Variants in EPHA5 observed in about 807,000 individuals in gnomAD.
The protein encoded by EPHA5 is EPH receptor A5.
In EPHA5, 60 loss-of-function variants were observed where a neutral mutation model predicts 105.0. The ratio of observed to expected loss-of-function variants is 0.57; its 90% confidence interval spans 0.46 to 0.71. The LOEUF (loss-of-function observed/expected upper bound fraction) is 0.71. Ranked by LOEUF, EPHA5 falls within the 30% of genes least tolerant of loss-of-function variation. EPHA5 has a pLI of 0.00. For synonymous variants in EPHA5, 513 were observed against 449.1 expected (o/e 1.14, Z -1.80); for missense variants, 1,218 against 1,274.7 (o/e 0.96, Z 0.68).
At chr4:65,386,635 TAACA>T (rs895255891) in intron 8 of EPHA5, among the ~76,000 whole-genome samples, 3 of 151,956 alleles carry the variant, frequency 2.0e-5, no homozygotes, top group Non-Finnish European at 2.9e-5. Context: ...TTAGCATACC[TAACA>T]GACACTAAAT....
intron 5 of EPHA5, among the ~76,000 whole-genome samples, chr4:65,488,513 G>A (rs1487911383): frequency 2.0e-5 from 3 of 152,162 alleles, no homozygotes; most frequent in South Asian, 4.1e-4. Context: ...CACTCCTGAT[G>A]TCTAGATACA....
rs199680148 is a variant in EPHA5, at chr4:65,461,995, ATATG to A, written c.1402+28378_1402+28381del. ...ATGCCGTCTACTGGAGAAATCAAGC[ATATG>A]CACACATTAGATTATAAAGAGATAG... On this transcript the variant is annotated intron_variant, in intron 5 of 16. Coordinates refer to ENST00000613740, the MANE Select transcript of EPHA5 (RefSeq NM_001281766.3). Among the ~76,000 whole-genome samples the A allele has an allele frequency of 5.9e-3, 899 of 152,244 alleles. 5 individuals are homozygous for A. Among genetic ancestry groups the A allele is most frequent in the African/African-American group, 0.021 (867 of 41,568 alleles).
At chr4:65,666,969 T>G (rs1750019094) in intron 1 of EPHA5, among the ~76,000 whole-genome samples, 2 of 152,110 alleles carry the variant, frequency 1.3e-5, no homozygotes, top group African/African-American at 4.8e-5. Flanking sequence ...ATGGGAGCAT[T>G]CATAATACGC....
At chr4:65,544,633 T>G (rs1023997290) in intron 3 of EPHA5, among the ~76,000 whole-genome samples, 2 of 152,036 alleles carry the variant, frequency 1.3e-5, no homozygotes, top group African/African-American at 4.8e-5. Context: ...TTGGCAGGAA[T>G]GTAAATTCGT....
intron 11 of EPHA5, among the ~76,000 whole-genome samples, chr4:65,361,658 T>C (rs542747238): frequency 6.6e-6 from 1 of 151,824 alleles, no homozygotes; most frequent in African/African-American, 2.4e-5. Context: ...ACAAAGTAAG[T>C]CAAAACTGTC....
chr4:65,651,263 G>A (rs1292676254), intron 1 of EPHA5, among the ~76,000 whole-genome samples: 1 of 152,144 alleles, frequency 6.6e-6, no homozygotes, highest in East Asian at 1.9e-4. Flanking sequence ...ATATCATAGA[G>A]TTGTTAATCC....
At chr4:65,340,320 T>C (rs1040863972) in intron 14 of EPHA5, among the ~76,000 whole-genome samples, 3 of 152,116 alleles carry the variant, frequency 2.0e-5, no homozygotes, top group African/African-American at 7.2e-5. Flanking sequence ...TTGTGCTCCA[T>C]TCCCAGTGAC....
At chr4:65,464,904 T>A (rs562801659) in intron 5 of EPHA5, among the ~76,000 whole-genome samples, 1 of 152,244 alleles carries the variant, frequency 6.6e-6, no homozygotes, top group Non-Finnish European at 1.5e-5. Context: ...ACCTATTATA[T>A]GTTAAAACAG....
Position 65,459,870 on chromosome 4 carries a change from C to T in EPHA5, c.1402+30507G>A, listed in dbSNP as rs911890416. 1.1e-4 allele frequency among the ~76,000 whole-genome samples: 16 copies of T among 151,692 alleles called. No homozygotes were observed. In the South Asian group the frequency reaches 1.5e-3, roughly 14 times the overall value. On this transcript the variant is annotated intron_variant, in intron 5 of 16. Coordinates refer to ENST00000613740, the MANE Select transcript of EPHA5 (RefSeq NM_001281766.3). Reference sequence around the variant, plus strand: ...TTAAAATCAGCAAATGAAAGAAAAGCTAATGAAAAATATTGATTGATTATA... The same window carrying T: ...TTAAAATCAGCAAATGAAAGAAAAGTTAATGAAAAATATTGATTGATTATA...
chr4:65,576,000 GAGAA>G lies in EPHA5; in HGVS notation c.910+25637_910+25640del, dbSNP rs1553943367. On this transcript the variant is annotated intron_variant, in intron 3 of 16. Transcript: ENST00000613740. The stretch of plus-strand genomic sequence containing the variant: ...AAAAAGAAAGAGAGAGAGAGAGAGA[GAGAA>G]AGAAAGAAAGAAAGAAAGAAAGAAA... Among the ~76,000 whole-genome samples the G allele has an allele frequency of 3.7e-3, 109 of 29,672 alleles. 1 individual carries two copies. Among genetic ancestry groups the G allele is most frequent in the African/African-American group, 6.9e-3 (59 of 8,572 alleles). 19.5% of individuals were successfully genotyped at this position (29,672 alleles called of 152,430 possible).
At chr4:65,485,168 T>C (rs1312592081) in intron 5 of EPHA5, among the ~76,000 whole-genome samples, 1 of 151,938 alleles carries the variant, frequency 6.6e-6, no homozygotes, top group Admixed American at 6.6e-5. Flanking sequence ...ATATCTACTA[T>C]TATATCCTCT....
intron 14 of EPHA5, among the ~76,000 whole-genome samples, chr4:65,340,599 A>G (rs1161918528): frequency 6.6e-6 from 1 of 152,032 alleles, no homozygotes; most frequent in Non-Finnish European, 1.5e-5. Context: ...GAGGAGGGGG[A>G]GGATAAGGAC....
intron 3 of EPHA5, among the ~76,000 whole-genome samples, chr4:65,545,576 C>T (rs573157979): frequency 1.6e-4 from 24 of 151,874 alleles, no homozygotes; most frequent in African/African-American, 5.5e-4. Context: ...AATGAATTGA[C>T]ATAATAGGAC....
At chr4:65,600,238 A>T (rs1743586231) in intron 3 of EPHA5, among the ~76,000 whole-genome samples, 1 of 152,164 alleles carries the variant, frequency 6.6e-6, no homozygotes. Flanking sequence ...ATATTAGAAC[A>T]TTTCTTTAAT....
intron 1 of EPHA5, among the ~76,000 whole-genome samples, chr4:65,645,413 T>C (rs528216799): frequency 2.0e-5 from 3 of 152,224 alleles, no homozygotes; most frequent in African/African-American, 7.2e-5. Flanking sequence ...GGCAATCAAA[T>C]TGAACTTAAT....
chr4:65,487,096 C>T (rs1389459136), intron 5 of EPHA5, among the ~76,000 whole-genome samples: 1 of 152,208 alleles, frequency 6.6e-6, no homozygotes, highest in African/African-American at 2.4e-5. Flanking sequence ...GAAGCAGAAG[C>T]TGCTATGCTT....
At chr4:65,457,677 G>A (rs1198998500) in intron 5 of EPHA5, among the ~76,000 whole-genome samples, 2 of 151,636 alleles carry the variant, frequency 1.3e-5, no homozygotes, top group Non-Finnish European at 2.9e-5. Context: ...ATGAAGAGTC[G>A]TGTAGCATAA....
intron 5 of EPHA5, among the ~76,000 whole-genome samples, chr4:65,477,825 C>T (rs1219107886): frequency 2.6e-5 from 4 of 152,094 alleles, no homozygotes; most frequent in Non-Finnish European, 5.9e-5. Flanking sequence ...CTTTGCAGCA[C>T]ACAATTAGTG....
intron 3 of EPHA5, among the ~76,000 whole-genome samples, chr4:65,508,053 T>C (rs1288920835): frequency 1.3e-5 from 2 of 152,094 alleles, no homozygotes; most frequent in Non-Finnish European, 2.9e-5. Flanking sequence ...AACTAAATAC[T>C]CATGAAATAA....
Sources: gnomAD v4.1 joint callset for allele counts (sites outside exome capture counted in the v4.1 genomes callset) on GRCh38, gnomAD v4.1.1 for gene constraint, MANE v1.5 for transcripts, NCBI Gene and HGNC (gene_info 2026-07-23, HGNC 2026-07-21) for gene names.